PDGFC: variants seen among roughly 807,000 people sequenced by gnomAD.
PDGFC encodes platelet-derived growth factor C.
A neutral mutation model predicts 35.5 loss-of-function variants in PDGFC; 12 were observed. The ratio of observed to expected loss-of-function variants is 0.34; its 90% confidence interval spans 0.22 to 0.55. The LOEUF (loss-of-function observed/expected upper bound fraction) is 0.55, where lower values mean the gene tolerates loss of function less well. Among genes scored for constraint, PDGFC ranks in the 20% least tolerant of loss-of-function variants. The pLI is 0.91. For synonymous variants in PDGFC, 159 were observed against 148.8 expected, an observed-to-expected ratio of 1.07 and a Z score of -0.50; for missense variants, 322 against 412.4, an observed-to-expected ratio of 0.78 and a Z score of 1.90.
intron 1 of PDGFC, among the ~76,000 whole-genome samples, chr4:156,937,821 G>T (rs951486903): frequency 6.6e-6 from 1 of 152,048 alleles, no homozygotes; most frequent in Non-Finnish European, 1.5e-5. Flanking sequence ...CCTAATATTG[G>T]TTGAAAGGCA....
At chr4:156,797,053 C>T (rs1414158324) in intron 3 of PDGFC, among the ~76,000 whole-genome samples, 4 of 151,732 alleles carry the variant, frequency 2.6e-5, no homozygotes, top group South Asian at 2.1e-4. Context: ...TTGGCTAACA[C>T]GGTGAAACCC....
intron 1 of PDGFC, among the ~76,000 whole-genome samples, chr4:156,966,690 G>A (rs899235749): frequency 6.6e-6 from 1 of 152,122 alleles, no homozygotes; most frequent in African/African-American, 2.4e-5. Context: ...TTCCGTGCCT[G>A]AGACAGAACT....
At chr4:156,802,548 AC>A (rs1269640786) in intron 3 of PDGFC, among the ~76,000 whole-genome samples, 1 of 122,544 alleles carries the variant, frequency 8.2e-6, no homozygotes, top group African/African-American at 4.1e-5. Flanking sequence ...AGAAACATAC[AC>A]ACACATACAC....
At position 156,786,243 on chromosome 4, in the gene PDGFC, G is replaced by GTAATACATA. The variant is rs1731123173; in HGVS notation, c.496-13359_496-13351dup. 2.0e-5 allele frequency among the ~76,000 whole-genome samples: 3 copies of GTAATACATA among 152,152 alleles called. No homozygotes were observed. In the South Asian group the frequency reaches 6.2e-4, roughly 31 times the overall value. On this transcript the variant is annotated intron_variant, in intron 3 of 5. Coordinates refer to ENST00000502773, the MANE Select transcript of PDGFC (RefSeq NM_016205.3). Reference sequence around the variant, plus strand: ...AAGAAGTAAATATCTCTGCCTTTATGTAATACATATTCTATTGGAGAAAAA... The same window carrying GTAATACATA: ...AAGAAGTAAATATCTCTGCCTTTATGTAATACATATAATACATATTCTATTGGAGAAAAA...
At chr4:156,885,833 T>C (rs1730364182) in intron 1 of PDGFC, among the ~76,000 whole-genome samples, 1 of 152,072 alleles carries the variant, frequency 6.6e-6, no homozygotes, top group Non-Finnish European at 1.5e-5. Context: ...GGCAGGGAGA[T>C]ATAAATGCCA....
chr4:156,851,734 G>A (rs1729457999), intron 1 of PDGFC, among the ~76,000 whole-genome samples: 1 of 151,782 alleles, frequency 6.6e-6, no homozygotes, highest in Non-Finnish European at 1.5e-5. Flanking sequence ...ACGAGGTCAG[G>A]AGATCGAGAC....
chr4:156,950,927 C>T (rs1732065511), intron 1 of PDGFC, among the ~76,000 whole-genome samples: 1 of 151,808 alleles, frequency 6.6e-6, no homozygotes, highest in African/African-American at 2.4e-5. Flanking sequence ...CTTATTGAAT[C>T]TTTCAATTTC....
At chr4:156,926,213 T>C (rs1467915472) in intron 1 of PDGFC, among the ~76,000 whole-genome samples, 1 of 152,188 alleles carries the variant, frequency 6.6e-6, no homozygotes, top group African/African-American at 2.4e-5. Flanking sequence ...ATCAATTTAC[T>C]GCATTACACT....
At chr4:156,825,643 A>AGAAGAG (rs1560828526) in intron 2 of PDGFC, among the ~76,000 whole-genome samples, 1 of 146,380 alleles carries the variant, frequency 6.8e-6, no homozygotes. Context: ...AAGAAGAAGA[A>AGAAGAG]AAGAAAGAAG....
chr4:156,917,245 A>G (rs1257652811), intron 1 of PDGFC, among the ~76,000 whole-genome samples: 1 of 152,302 alleles, frequency 6.6e-6, no homozygotes, highest in East Asian at 1.9e-4. Flanking sequence ...TTCTTTGGGG[A>G]AAAATATTAC....
chr4:156,964,603 T>C (rs1240140223), intron 1 of PDGFC, among the ~76,000 whole-genome samples: 2 of 151,976 alleles, frequency 1.3e-5, no homozygotes, highest in Non-Finnish European at 2.9e-5. Flanking sequence ...CTGAAAACCA[T>C]GCAATCCACT....
intron 1 of PDGFC, among the ~76,000 whole-genome samples, chr4:156,920,644 AACACACACACACAC>A (rs10611712): frequency 6.1e-4 from 80 of 132,046 alleles, no homozygotes; most frequent in East Asian, 1.3e-3. Context: ...AGGAAAAGAA[AACACACACACACAC>A]ACACACACAC....
At chr4:156,845,899 T>C (rs767910665) in intron 2 of PDGFC, among the ~76,000 whole-genome samples, 3 of 151,596 alleles carry the variant, frequency 2.0e-5, no homozygotes, top group Non-Finnish European at 4.4e-5. Flanking sequence ...GAACAATGAA[T>C]AAACCAAATC....
At chr4:156,797,244 A>T (rs997746659) in intron 3 of PDGFC, among the ~76,000 whole-genome samples, 6 of 151,974 alleles carry the variant, frequency 3.9e-5, no homozygotes, top group Non-Finnish European at 7.4e-5. Flanking sequence ...TCTAAAAAAA[A>T]AAAAGAAAAA....
chr4:156,829,304 A>G (rs1463290267), intron 2 of PDGFC, among the ~76,000 whole-genome samples: 1 of 152,190 alleles, frequency 6.6e-6, no homozygotes, highest in African/African-American at 2.4e-5. Flanking sequence ...AACAAAACAA[A>G]TATCTTCACA....
At chr4:156,889,516 T>C (rs1730453274) in intron 1 of PDGFC, among the ~76,000 whole-genome samples, 1 of 152,326 alleles carries the variant, frequency 6.6e-6, no homozygotes. Flanking sequence ...TCAAGGTTAG[T>C]GCTCTTAATT....
At chr4:156,928,874 TTATCTC>T (rs1246774694) in intron 1 of PDGFC, among the ~76,000 whole-genome samples, 4 of 152,216 alleles carry the variant, frequency 2.6e-5, no homozygotes, top group African/African-American at 7.2e-5. Context: ...GAAGGACTGT[TTATCTC>T]TATGATGTTG....
At chr4:156,769,621 T>A (rs1315423297) in intron 4 of PDGFC, among the ~76,000 whole-genome samples, 1 of 151,968 alleles carries the variant, frequency 6.6e-6, no homozygotes, top group Non-Finnish European at 1.5e-5. Flanking sequence ...TTCTTTTTAA[T>A]CTGAAAATGA....
chr4:156,971,635 G>C lies in PDGFC; in HGVS notation c.-732C>G, dbSNP rs1163110031. On this transcript the variant is annotated 5_prime_UTR_variant, in exon 1 of 6. Transcript: ENST00000502773. ...TTCCGGCACCTGGCTTGAGTTTTCC[G>C]CGACCAAAGTTCACCTTGTTCGGGC... is the stretch of plus-strand genomic sequence containing the variant. Among the ~76,000 whole-genome samples, 3 of 151,742 alleles carry C rather than the reference G, an allele frequency of 2.0e-5. No individual in the cohort carries two copies. The highest frequency in any genetic ancestry group is 2.9e-5 in the Non-Finnish European group (2 of 67,896).
Sources: gnomAD v4.1 joint callset for allele counts (sites outside exome capture counted in the v4.1 genomes callset) on GRCh38, gnomAD v4.1.1 for gene constraint, MANE v1.5 for transcripts, NCBI Gene and HGNC (gene_info 2026-07-23, HGNC 2026-07-21) for gene names.